TNIK: variants seen among roughly 807,000 people sequenced by gnomAD.
The protein encoded by TNIK is TRAF2 and NCK-interacting protein kinase.
TNIK carries 49 observed loss-of-function variants against 191.3 expected under a neutral mutation model. That is an observed-to-expected ratio of 0.26 (90% CI 0.20 to 0.32). The LOEUF (loss-of-function observed/expected upper bound fraction) is 0.32. Among genes scored for constraint, TNIK ranks in the 10% least tolerant of loss-of-function variants. The pLI is 1.00. For synonymous variants in TNIK, 594 were observed against 600.9 expected, an observed-to-expected ratio of 0.99 and a Z score of 0.17; for missense variants, 1,155 against 1,702.3, an observed-to-expected ratio of 0.68 and a Z score of 5.66.
At chr3:171,270,246 G>T (rs145172711) in intron 2 of TNIK, among the ~76,000 whole-genome samples, 1 of 152,168 alleles carries the variant, frequency 6.6e-6, no homozygotes, top group Non-Finnish European at 1.5e-5. Flanking sequence ...TGGGTCATGA[G>T]AATACCCCCG....
At chr3:171,218,932 T>A (rs1232192665) in intron 3 of TNIK, among the ~76,000 whole-genome samples, 1 of 133,126 alleles carries the variant, frequency 7.5e-6, no homozygotes, top group African/African-American at 2.8e-5. Flanking sequence ...TTTATATGTT[T>A]TATATATATT....
chr3:171,196,762 T>A (rs1331281331), intron 4 of TNIK, among the ~76,000 whole-genome samples: 1 of 152,162 alleles, frequency 6.6e-6, no homozygotes, highest in Non-Finnish European at 1.5e-5. Flanking sequence ...TCAAGAAATC[T>A]GGTTAATTTT....
rs570343731 is a variant in TNIK, at chr3:171,382,994, G to T, written c.58-13309C>A. Among the ~76,000 whole-genome samples, 4 of 152,258 alleles carry T rather than the reference G, an allele frequency of 2.6e-5. No homozygotes were observed. The South Asian group carries it at 8.3e-4, about 32-fold the overall frequency. ...TGTCTCCCCATGCCCCAGACATTAT[G>T]CAGGGTATTTTGCAAAGGTTATTTT... On this transcript the variant is annotated intron_variant, in intron 1 of 32. Coordinates refer to ENST00000436636, the MANE Select transcript of TNIK (RefSeq NM_015028.4).
intron 2 of TNIK, among the ~76,000 whole-genome samples, chr3:171,294,557 C>T (rs914178599): frequency 1.1e-4 from 16 of 151,784 alleles, no homozygotes; most frequent in Non-Finnish European, 1.0e-4. Context: ...CCCATCTCTA[C>T]TAAAAATACA....
intron 12 of TNIK, among the ~76,000 whole-genome samples, chr3:171,144,593 C>T (rs772985202): frequency 6.8e-6 from 1 of 147,254 alleles, no homozygotes; most frequent in Non-Finnish European, 1.5e-5. Context: ...ATTAGCATAT[C>T]TACCATCTTA....
At chr3:171,102,723 CCA>C (rs1375450685) in intron 21 of TNIK, among the ~76,000 whole-genome samples, 1 of 152,070 alleles carries the variant, frequency 6.6e-6, no homozygotes, top group Non-Finnish European at 1.5e-5. Context: ...ATACTAAATC[CCA>C]CAGTTTTCTA....
intron 1 of TNIK, among the ~76,000 whole-genome samples, chr3:171,401,407 G>T (rs1340748482): frequency 2.0e-5 from 3 of 152,132 alleles, no homozygotes; most frequent in African/African-American, 7.2e-5. Context: ...TAATTAAGAT[G>T]CACAATGCTG....
At chr3:171,323,892 C>T (rs1755455056) in intron 2 of TNIK, among the ~76,000 whole-genome samples, 1 of 152,056 alleles carries the variant, frequency 6.6e-6, no homozygotes, top group Admixed American at 6.5e-5. Context: ...ATGGTTAGTG[C>T]TTGGTACCAT....
intron 1 of TNIK, among the ~76,000 whole-genome samples, chr3:171,377,109 G>A (rs1203524700): frequency 6.6e-6 from 1 of 152,164 alleles, no homozygotes; most frequent in Non-Finnish European, 1.5e-5. Flanking sequence ...AGTGTAGGCT[G>A]ATTCCAGGAC....
intron 2 of TNIK, among the ~76,000 whole-genome samples, chr3:171,344,738 TTAAC>T (rs1711886608): frequency 6.6e-6 from 1 of 151,944 alleles, no homozygotes; most frequent in South Asian, 2.1e-4. Context: ...CTCGTTTTTC[TTAAC>T]TGACTCCTCC....
chr3:171,239,175 TTTAC>T (rs1372270222), intron 2 of TNIK, among the ~76,000 whole-genome samples: 2 of 152,376 alleles, frequency 1.3e-5, no homozygotes, highest in South Asian at 2.1e-4. Context: ...TTCTTAAAGG[TTTAC>T]TTATAGTTTT....
chr3:171,441,515 T>C (rs1726795536), intron 1 of TNIK, among the ~76,000 whole-genome samples: 1 of 152,228 alleles, frequency 6.6e-6, no homozygotes, highest in African/African-American at 2.4e-5. Flanking sequence ...AATAGTATTC[T>C]ATTGTATGAA....
intron 2 of TNIK, among the ~76,000 whole-genome samples, chr3:171,239,538 G>T (rs1470922358): frequency 6.6e-6 from 1 of 152,206 alleles, no homozygotes; most frequent in Non-Finnish European, 1.5e-5. Flanking sequence ...GTGTATGAAA[G>T]AAATAATTAT....
chr3:171,315,203 C>T (rs1754472127), intron 2 of TNIK, among the ~76,000 whole-genome samples: 1 of 152,050 alleles, frequency 6.6e-6, no homozygotes, highest in South Asian at 2.1e-4. Flanking sequence ...TATTTATATC[C>T]CCCTTGGCCA....
At chr3:171,456,415 C>T (rs946184395) in intron 1 of TNIK, among the ~76,000 whole-genome samples, 25 of 152,318 alleles carry the variant, frequency 1.6e-4, no homozygotes, top group African/African-American at 4.6e-4. Context: ...CATACACCCA[C>T]GTGGATACGG....
rs559352424 is a variant in TNIK at position 171,190,321 on chromosome 3, A to T, written c.508+376T>A. Among the ~76,000 whole-genome samples the T allele has an allele frequency of 1.6e-4, 25 of 152,326 alleles. No homozygotes were observed. In the South Asian group the frequency reaches 5.2e-3, roughly 32 times the overall value. On this transcript the variant is annotated intron_variant, in intron 6 of 32. Coordinates refer to ENST00000436636, the MANE Select transcript of TNIK (RefSeq NM_015028.4). ...ATATAGCAGGAATTGATTATTCTGA[A>T]TATGCCTGTGTATATTTTAATGGAA...
chr3:171,261,219 C>A (rs1444907886), intron 2 of TNIK, among the ~76,000 whole-genome samples: 1 of 152,218 alleles, frequency 6.6e-6, no homozygotes, highest in East Asian at 1.9e-4. Context: ...TTCTCCCACC[C>A]TTCTATACTA....
chr3:171,147,821 G>A (rs1211055470), intron 12 of TNIK, among the ~76,000 whole-genome samples: 2 of 152,080 alleles, frequency 1.3e-5, no homozygotes, highest in Admixed American at 1.3e-4. Context: ...TGGTAAGTGC[G>A]AGGCCAGGAT....
chr3:171,154,028 T>C (rs1172673760), intron 12 of TNIK, among the ~76,000 whole-genome samples: 1 of 152,212 alleles, frequency 6.6e-6, no homozygotes, highest in Non-Finnish European at 1.5e-5. Flanking sequence ...CACTGAATAT[T>C]TGTCAAATGA....
Sources: allele counts gnomAD v4.1 joint callset (sites outside exome capture counted in the v4.1 genomes callset), GRCh38; gene constraint gnomAD v4.1.1; transcripts MANE v1.5; gene names NCBI Gene and HGNC (gene_info 2026-07-23, HGNC 2026-07-21).